Variants in DENND1A observed in about 807,000 individuals in gnomAD.
DENND1A encodes DENN domain containing 1A.
In DENND1A, 51 loss-of-function variants were observed where a neutral mutation model predicts 113.7. The observed-to-expected ratio is 0.45, with a 90% CI of 0.36 to 0.57. The LOEUF (loss-of-function observed/expected upper bound fraction) is 0.57, where lower values mean the gene tolerates loss of function less well. Ranked by LOEUF, DENND1A falls within the 20% of genes least tolerant of loss-of-function variation. The pLI is 0.00. For synonymous variants in DENND1A, 565 were observed against 570.8 expected (o/e 0.99, Z 0.14); for missense variants, 1,258 against 1,395.9 (o/e 0.90, Z 1.57).
intron 18 of DENND1A, among the ~76,000 whole-genome samples, chr9:123,446,109 A>G (rs2047285726): frequency 3.3e-5 from 5 of 152,304 alleles, no homozygotes; most frequent in Admixed American, 2.6e-4. Flanking sequence ...TCAGAAGCCC[A>G]AACACCACAT....
intron 5 of DENND1A, among the ~76,000 whole-genome samples, chr9:123,753,507 C>T (rs748243569): frequency 1.1e-4 from 17 of 152,218 alleles, no homozygotes; most frequent in Admixed American, 6.5e-4. Context: ...TTACAACTAG[C>T]ATGAAATGAG....
intron 8 of DENND1A, among the ~76,000 whole-genome samples, chr9:123,661,742 T>A (rs920935823): frequency 1.3e-5 from 2 of 152,212 alleles, no homozygotes; most frequent in South Asian, 4.1e-4. Flanking sequence ...AGAAGAACAC[T>A]TTTTAAAATC....
chr9:123,758,885 C>G (rs2070797624), intron 4 of DENND1A, among the ~76,000 whole-genome samples: 1 of 152,142 alleles, frequency 6.6e-6, no homozygotes, highest in African/African-American at 2.4e-5. Flanking sequence ...ACTGCAACCT[C>G]CACCTCCCTG....
intron 1 of DENND1A, among the ~76,000 whole-genome samples, chr9:123,881,929 T>C (rs145920129): frequency 9.5e-4 from 145 of 152,290 alleles, no homozygotes; most frequent in African/African-American, 3.4e-3. Flanking sequence ...TCAATAGCAT[T>C]TGATAGTTCA....
At chr9:123,466,335 T>C (rs914932488) in intron 13 of DENND1A, among the ~76,000 whole-genome samples, 13 of 152,082 alleles carry the variant, frequency 8.5e-5, no homozygotes, top group African/African-American at 3.1e-4. Context: ...AGTCTACCTC[T>C]TTCTCCCAGG....
chr9:123,417,609 G>A (rs1008334663), intron 19 of DENND1A, among the ~76,000 whole-genome samples: 2 of 152,152 alleles, frequency 1.3e-5, no homozygotes, highest in African/African-American at 2.4e-5. Context: ...TTTCTGACAC[G>A]GTTCTTCTAA....
chr9:123,403,754 T>C (rs10986008), intron 20 of DENND1A, among the ~76,000 whole-genome samples: 58,800 of 152,008 alleles, frequency 0.39, 14,020 homozygotes, highest in Non-Finnish European at 0.54. Context: ...ATGAGGATAG[T>C]TCCATTGGCC....
intron 13 of DENND1A, among the ~76,000 whole-genome samples, chr9:123,556,742 C>T (rs1417998002): frequency 2.0e-5 from 3 of 152,256 alleles, no homozygotes; most frequent in Admixed American, 6.5e-5. Flanking sequence ...TTCCCTCCAA[C>T]ATTCTCCCCT....
chr9:123,803,619 T>A (rs1379979260), intron 2 of DENND1A, among the ~76,000 whole-genome samples: 1 of 152,198 alleles, frequency 6.6e-6, no homozygotes, highest in Admixed American at 6.5e-5. Flanking sequence ...GAGGACTCCA[T>A]CCCCTCTTGC....
chr9:123,886,812 T>C (rs1011466815), intron 1 of DENND1A, among the ~76,000 whole-genome samples: 1 of 152,206 alleles, frequency 6.6e-6, no homozygotes, highest in African/African-American at 2.4e-5. Context: ...GTTAGAAAAT[T>C]AACTTAGTTG....
intron 5 of DENND1A, among the ~76,000 whole-genome samples, chr9:123,699,728 C>T (rs1185472949): frequency 1.5e-5 from 2 of 134,358 alleles, no homozygotes; most frequent in African/African-American, 5.8e-5. Context: ...GACAGAGTCT[C>T]GCTCTGTCAC....
intron 13 of DENND1A, among the ~76,000 whole-genome samples, chr9:123,464,994 C>CA (rs10655282): frequency 0.16 from 11,033 of 70,542 alleles, 832 homozygotes; most frequent in Middle Eastern, 0.21. Flanking sequence ...ACTAAAAATA[C>CA]AAAAAAAAAA....
rs186164440 is a variant in DENND1A at position 123,803,318 on chromosome 9, T to A, written c.89-10688A>T. On this transcript the variant is annotated intron_variant, in intron 2 of 23. Coordinates refer to ENST00000394215, the MANE Select transcript of DENND1A (RefSeq NM_001352964.2). ...TAAATCTGTGGTTAGTAACTGTAAG[T>A]GAGCTTTAATGCAACTCAGTAATTA... Among the ~76,000 whole-genome samples the A allele has an allele frequency of 1.8e-4, 27 of 152,350 alleles. No individual in the cohort carries two copies. In the East Asian group the frequency reaches 5.2e-3, roughly 29 times the overall value.
intron 9 of DENND1A, among the ~76,000 whole-genome samples, chr9:123,633,389 T>C (rs1465030662): frequency 6.6e-6 from 1 of 152,022 alleles, no homozygotes; most frequent in Non-Finnish European, 1.5e-5. Context: ...ACTTAGAATA[T>C]ACTCACAGTA....
intron 19 of DENND1A, among the ~76,000 whole-genome samples, chr9:123,434,656 C>T (rs1044604898): frequency 6.6e-6 from 1 of 152,128 alleles, no homozygotes. Flanking sequence ...CCTGGGGTAG[C>T]ACGAGGACAG....
At chr9:123,880,737 G>C (rs571566650) in intron 1 of DENND1A, among the ~76,000 whole-genome samples, 2 of 152,274 alleles carry the variant, frequency 1.3e-5, no homozygotes, top group Admixed American at 6.5e-5. Context: ...GACTTGTCTA[G>C]AAACATGGCC....
At chr9:123,485,587 C>G (rs979555454) in intron 13 of DENND1A, 11 of 151,592 alleles carry the variant, frequency 7.3e-5, no homozygotes, top group African/African-American at 2.4e-4. Context: ...AAGACCTTAC[C>G]TCTCCCCCTG....
chr9:123,558,381 G>A (rs1274251228), intron 12 of DENND1A, among the ~76,000 whole-genome samples: 1 of 152,160 alleles, frequency 6.6e-6, no homozygotes, highest in Non-Finnish European at 1.5e-5. Flanking sequence ...TACTCTAAAG[G>A]AAGTGTGGCA....
chr9:123,557,519 C>T (rs764891139), intron 13 of DENND1A, 51 bp downstream of exon 13: 2 of 1,594,816 alleles, frequency 1.3e-6, no homozygotes, highest in Non-Finnish European at 1.7e-6. Flanking sequence ...CTGAGGTATG[C>T]TTCTCAGCCC....
Sources: gnomAD v4.1 joint callset for allele counts (sites outside exome capture counted in the v4.1 genomes callset) on GRCh38, gnomAD v4.1.1 for gene constraint, MANE v1.5 for transcripts, NCBI Gene and HGNC (gene_info 2026-07-23, HGNC 2026-07-21) for gene names.